MAN2A1: variants seen among roughly 807,000 people sequenced by gnomAD.
The protein encoded by MAN2A1 is alpha-mannosidase 2.
In MAN2A1, 76 loss-of-function variants were observed where a neutral mutation model predicts 142.6. The ratio of observed to expected loss-of-function variants is 0.53; its 90% CI spans 0.44 to 0.65. The LOEUF (loss-of-function observed/expected upper bound fraction) is 0.65. Among genes scored for constraint, MAN2A1 ranks in the 30% least tolerant of loss-of-function variants. The pLI, the probability that MAN2A1 is intolerant of heterozygous loss-of-function variation, is 0.00. For synonymous variants in MAN2A1, 559 were observed against 473.2 expected (o/e 1.18, Z -2.35); for missense variants, 1,311 against 1,365.1 (o/e 0.96, Z 0.62).
chr5:109,778,773 A>G (rs547523123), intron 8 of MAN2A1, among the ~76,000 whole-genome samples: 37 of 152,138 alleles, frequency 2.4e-4, no homozygotes, highest in African/African-American at 8.4e-4. Flanking sequence ...TTATCTAGTT[A>G]TATCTGTTTC....
intron 1 of MAN2A1, among the ~76,000 whole-genome samples, chr5:109,698,803 A>G (rs1459327276): frequency 6.6e-6 from 1 of 152,146 alleles, no homozygotes; most frequent in African/African-American, 2.4e-5. Flanking sequence ...GTATAAATGC[A>G]CATAGAAATA....
intron 7 of MAN2A1, 85 bp downstream of exon 7, chr5:109,770,626 C>A: frequency 8.5e-7 from 1 of 1,178,644 alleles, no homozygotes; most frequent in Non-Finnish European, 1.2e-6. Flanking sequence ...AACAAATGGG[C>A]TTTATTAGCC....
intron 1 of MAN2A1, among the ~76,000 whole-genome samples, chr5:109,709,661 G>A (rs1751240580): frequency 6.6e-6 from 1 of 152,164 alleles, no homozygotes; most frequent in South Asian, 2.1e-4. Flanking sequence ...CTACCTTGTG[G>A]TAGACTCTAA....
chr5:109,828,391 A>T (rs997620440), intron 16 of MAN2A1, among the ~76,000 whole-genome samples: 1 of 152,222 alleles, frequency 6.6e-6, no homozygotes, highest in Non-Finnish European at 1.5e-5. Flanking sequence ...ATATAATACA[A>T]ACAGAAGCTC....
At chr5:109,775,100 T>G (rs138126131) in intron 8 of MAN2A1, 135 bp downstream of exon 8, 1 of 617,730 alleles carries the variant, frequency 1.6e-6, no homozygotes, top group African/African-American at 1.9e-5. Flanking sequence ...GTGTAAAATA[T>G]AATCCATTAG....
intron 12 of MAN2A1, among the ~76,000 whole-genome samples, chr5:109,813,649 C>A (rs866266322): frequency 6.6e-6 from 1 of 152,210 alleles, no homozygotes; most frequent in Non-Finnish European, 1.5e-5. Flanking sequence ...AGAAGGAAGC[C>A]TGTGTGCTCC....
intron 5 of MAN2A1, among the ~76,000 whole-genome samples, chr5:109,761,350 T>A (rs1464077808): frequency 6.6e-6 from 1 of 151,880 alleles, no homozygotes; most frequent in Non-Finnish European, 1.5e-5. Flanking sequence ...TATCATATTA[T>A]ATAGTATTTT....
rs554701651 is a variant in MAN2A1, at chr5:109,704,780, T to C, written c.136-8740T>C. On this transcript the variant is annotated intron_variant, in intron 1 of 21. Transcript: ENST00000261483. ...CTCTCTTTTACCAAATCGCAGTTCCTATATTTAGCTTTAATGCGGCGCTTC... is the reference window on the plus strand; with the variant it reads ...CTCTCTTTTACCAAATCGCAGTTCCCATATTTAGCTTTAATGCGGCGCTTC... Among the ~76,000 whole-genome samples the C allele has an allele frequency of 3.9e-5, 6 of 152,346 alleles. No individual in the cohort carries two copies. The South Asian group carries it at 1.0e-3, about 26-fold the overall frequency.
At chr5:109,694,780 T>TA (rs1750767219) in intron 1 of MAN2A1, among the ~76,000 whole-genome samples, 1 of 152,182 alleles carries the variant, frequency 6.6e-6, no homozygotes, top group Non-Finnish European at 1.5e-5. Flanking sequence ...TGGCAATACA[T>TA]ATAACTAGGA....
intron 16 of MAN2A1, among the ~76,000 whole-genome samples, chr5:109,827,868 A>G (rs894379431): frequency 6.6e-6 from 1 of 152,140 alleles, no homozygotes; most frequent in East Asian, 1.9e-4. Context: ...TTGGGAGGCC[A>G]AGGCAGGCGG....
chr5:109,783,190 AC>A (rs1310114673), intron 9 of MAN2A1, among the ~76,000 whole-genome samples: 1 of 152,164 alleles, frequency 6.6e-6, no homozygotes, highest in Non-Finnish European at 1.5e-5. Context: ...CATTGTGGTT[AC>A]TGCTAGTAAT....
intron 12 of MAN2A1, among the ~76,000 whole-genome samples, chr5:109,803,712 CTT>C (rs1037018172): frequency 1.3e-5 from 2 of 151,964 alleles, no homozygotes; most frequent in East Asian, 1.9e-4. Flanking sequence ...TGAAGAAAAA[CTT>C]TGAAAAGAAG....
At chr5:109,690,996 A>C (rs1455506062) in intron 1 of MAN2A1, among the ~76,000 whole-genome samples, 1 of 152,186 alleles carries the variant, frequency 6.6e-6, no homozygotes, top group Admixed American at 6.5e-5. Flanking sequence ...AAATGGATCA[A>C]ACCGAACCCA....
intron 1 of MAN2A1, 51 bp downstream of exon 1, chr5:109,690,603 C>T (rs756056732): frequency 6.5e-6 from 10 of 1,541,672 alleles, no homozygotes; most frequent in African/African-American, 1.4e-5. Context: ...GGCGTGCGGG[C>T]CCCTGGTTAG....
At chr5:109,712,822 T>C (rs1333070698) in intron 1 of MAN2A1, among the ~76,000 whole-genome samples, 1 of 152,204 alleles carries the variant, frequency 6.6e-6, no homozygotes, top group East Asian at 1.9e-4. Context: ...ACCCAGGATA[T>C]AGGGGTGAAC....
In MAN2A1 at chr5:109,774,794, G is replaced by T. The variant is rs759109394; in HGVS notation, c.1203G>T (p.Arg401=). Residue 401 remains arginine (R), a synonymous_variant, in exon 8 of 22, where the codon CGG becomes CGT. Transcript: ENST00000261483. ...GTGTTTGTTTTTTTTGTAGGGCTCG[G>T]ATGCTACTAGATCAGTACCGAAAGA... is the stretch of plus-strand genomic sequence containing the variant. ...IHPGNVQSRA[R]MLLDQYRKKS... 2.4e-5 allele frequency: 38 copies of T among 1,601,486 alleles called. No individual in the cohort carries two copies. In the East Asian group the frequency reaches 8.6e-4, roughly 36 times the overall value.
intron 16 of MAN2A1, among the ~76,000 whole-genome samples, chr5:109,838,622 A>G (rs1755118412): frequency 6.6e-6 from 1 of 152,168 alleles, no homozygotes; most frequent in Non-Finnish European, 1.5e-5. Context: ...ACATATACTG[A>G]TCTTTAAAAA....
At chr5:109,794,982 T>C (rs142622464) in intron 12 of MAN2A1, among the ~76,000 whole-genome samples, 2 of 152,290 alleles carry the variant, frequency 1.3e-5, no homozygotes, top group East Asian at 3.9e-4. Context: ...GGATGCTTTA[T>C]CCAAAAGACT....
Position 109,738,397 on chromosome 5 carries a change from A to G in MAN2A1, c.707+8884A>G, listed in dbSNP as rs1170227623. On this transcript the variant is annotated intron_variant, in intron 4 of 21. Coordinates refer to ENST00000261483, the MANE Select transcript of MAN2A1 (RefSeq NM_002372.4). Reference sequence around the variant, plus strand: ...TTTTTCTTCATTGTAAACTGTATGTATCATCATTGATACCATCTTTTCTCT... The same window carrying G: ...TTTTTCTTCATTGTAAACTGTATGTGTCATCATTGATACCATCTTTTCTCT... 3.3e-5 allele frequency among the ~76,000 whole-genome samples: 5 copies of G among 152,116 alleles called. No individual in the cohort carries two copies. In the East Asian group the frequency reaches 9.6e-4, roughly 29 times the overall value.
Sources: allele counts gnomAD v4.1 joint callset (sites outside exome capture counted in the v4.1 genomes callset), GRCh38; gene constraint gnomAD v4.1.1; transcripts MANE v1.5; gene names NCBI Gene and HGNC (gene_info 2026-07-23, HGNC 2026-07-21).